NR6A1: variants seen among roughly 807,000 people sequenced by gnomAD.
NR6A1 encodes the protein nuclear receptor subfamily 6 group A member 1.
A neutral mutation model predicts 59.1 loss-of-function variants in NR6A1; 7 were observed. The observed-to-expected ratio is 0.12, with a 90% CI of 0.07 to 0.22. The LOEUF (loss-of-function observed/expected upper bound fraction) is 0.22, where lower values mean the gene tolerates loss of function less well. Among genes scored for constraint, NR6A1 ranks in the 10% least tolerant of loss-of-function variants. The probability of loss-of-function intolerance (pLI) is 1.00; values close to 1 mark genes in which losing one functional copy is unlikely to be tolerated. For synonymous variants in NR6A1, 243 were observed against 236.1 expected, an observed-to-expected ratio of 1.03 and a Z score of -0.27; for missense variants, 468 against 611.6, an observed-to-expected ratio of 0.77 and a Z score of 2.48.
chr9:124,681,291 T>A (rs918303070), intron 2 of NR6A1, among the ~76,000 whole-genome samples: 9 of 151,566 alleles, frequency 5.9e-5, no homozygotes, highest in Non-Finnish European at 1.2e-4. Flanking sequence ...GTATGTCACT[T>A]CAAGGAAAAC....
chr9:124,662,732 G>T (rs1036104584), intron 2 of NR6A1, among the ~76,000 whole-genome samples: 4 of 152,206 alleles, frequency 2.6e-5, no homozygotes, highest in Non-Finnish European at 5.9e-5. Context: ...ACCAGCCGAT[G>T]TGTGACCATG....
chr9:124,724,480 C>G (rs1418628147), intron 2 of NR6A1, among the ~76,000 whole-genome samples: 2 of 149,038 alleles, frequency 1.3e-5, no homozygotes, highest in Non-Finnish European at 3.0e-5. Flanking sequence ...TAACTTCAAG[C>G]AGGTACTTTC....
intron 3 of NR6A1, 53 bp from the exon 4 acceptor site, chr9:124,543,910 C>T (rs1205507645): frequency 1.2e-5 from 18 of 1,507,778 alleles, no homozygotes; most frequent in Non-Finnish European, 1.5e-5. Flanking sequence ...TCATATAAGT[C>T]TTAGCACAAA....
intron 2 of NR6A1, among the ~76,000 whole-genome samples, chr9:124,604,821 A>C (rs1278032088): frequency 1.3e-5 from 2 of 152,150 alleles, no homozygotes; most frequent in Non-Finnish European, 2.9e-5. Flanking sequence ...CTCAAAAAAA[A>C]AATAATTTTT....
intron 2 of NR6A1, among the ~76,000 whole-genome samples, chr9:124,598,145 G>A (rs941848214): frequency 4.6e-5 from 7 of 152,036 alleles, no homozygotes; most frequent in Non-Finnish European, 8.8e-5. Flanking sequence ...AACCACACCC[G>A]GCCTAAACAC....
chr9:124,557,190 G>C (rs924768671), intron 2 of NR6A1, among the ~76,000 whole-genome samples: 2 of 151,986 alleles, frequency 1.3e-5, no homozygotes, highest in African/African-American at 4.8e-5. Flanking sequence ...GTGCAGTAGC[G>C]CGATCTTGGC....
At chr9:124,635,050 T>G (rs1564211230) in intron 2 of NR6A1, among the ~76,000 whole-genome samples, 1 of 152,182 alleles carries the variant, frequency 6.6e-6, no homozygotes, top group Non-Finnish European at 1.5e-5. Flanking sequence ...TTGGGTGTTG[T>G]ATATTAAATG....
chr9:124,705,432 T>C (rs1188150865), intron 2 of NR6A1, among the ~76,000 whole-genome samples: 1 of 152,236 alleles, frequency 6.6e-6, no homozygotes, highest in African/African-American at 2.4e-5. Flanking sequence ...CCTTTTGTCA[T>C]TACAGTATGT....
At chr9:124,651,374 C>A (rs1451766577) in intron 2 of NR6A1, among the ~76,000 whole-genome samples, 2 of 152,156 alleles carry the variant, frequency 1.3e-5, no homozygotes, top group Non-Finnish European at 2.9e-5. Flanking sequence ...CTCTGTCTTA[C>A]TAATCTTTTA....
intron 2 of NR6A1, among the ~76,000 whole-genome samples, chr9:124,612,967 A>T (rs924598248): frequency 2.6e-5 from 4 of 152,192 alleles, no homozygotes; most frequent in Non-Finnish European, 5.9e-5. Context: ...TAATTCTAGG[A>T]ATGTACCTTA....
chr9:124,598,857 T>C, intron 2 of NR6A1: 1 of 726,428 alleles, frequency 1.4e-6, no homozygotes, highest in Non-Finnish European at 2.5e-6. Context: ...TCTTCAAACT[T>C]TGTTTTGAAT....
chr9:124,679,599 T>C (rs1329059176), intron 2 of NR6A1, among the ~76,000 whole-genome samples: 1 of 151,568 alleles, frequency 6.6e-6, no homozygotes, highest in East Asian at 1.9e-4. Context: ...ATCTTAAGAG[T>C]TTGAAAAAAG....
chr9:124,746,158 T>C (rs1056506125), intron 1 of NR6A1, among the ~76,000 whole-genome samples: 1 of 152,188 alleles, frequency 6.6e-6, no homozygotes, highest in Non-Finnish European at 1.5e-5. Context: ...TACATACTAG[T>C]CATGAATGCT....
At chr9:124,583,279 C>T (rs1834826223) in intron 2 of NR6A1, among the ~76,000 whole-genome samples, 1 of 152,128 alleles carries the variant, frequency 6.6e-6, no homozygotes, top group African/African-American at 2.4e-5. Flanking sequence ...CTGTTGGGAA[C>T]ACTCCCCTAG....
intron 2 of NR6A1, among the ~76,000 whole-genome samples, chr9:124,609,010 T>C (rs1835659783): frequency 6.6e-6 from 1 of 152,244 alleles, no homozygotes; most frequent in Non-Finnish European, 1.5e-5. Context: ...TTAAATTTGA[T>C]TAAGTTCCTT....
intron 2 of NR6A1, among the ~76,000 whole-genome samples, chr9:124,732,245 G>C (rs1306543255): frequency 1.3e-5 from 2 of 152,214 alleles, no homozygotes; most frequent in Non-Finnish European, 2.9e-5. Context: ...TGGTGGCAAA[G>C]AGCCAGCCGT....
Position 124,522,064 on chromosome 9 carries a change from GC to G in NR6A1, c.*640del, listed in dbSNP as rs558129771. Reference sequence around the variant, plus strand: ...CACCTGCCTTAAATATGGTCACTGTGCCCTACTCTCTTAATTTTCACGCTTT... The same window carrying G: ...CACCTGCCTTAAATATGGTCACTGTGCCTACTCTCTTAATTTTCACGCTTT... On this transcript the variant is annotated 3_prime_UTR_variant, in exon 10 of 10. Transcript: ENST00000487099. 1 of 152,290 alleles carries G rather than the reference GC, an allele frequency of 6.6e-6. No individual in the cohort carries two copies. The highest frequency in any genetic ancestry group is 6.5e-5 in the Admixed American group (1 of 15,300). 9.4% of individuals were successfully genotyped at this position (152,290 alleles called of 1,614,324 possible).
At chr9:124,629,210 C>T (rs76566002) in intron 2 of NR6A1, among the ~76,000 whole-genome samples, 1,732 of 152,286 alleles carry the variant, frequency 0.011, 20 homozygotes, top group African/African-American at 0.039. Context: ...GGGCAGGAAC[C>T]TACAGAACGA....
chr9:124,543,524 A>G (rs1419119902), intron 4 of NR6A1, among the ~76,000 whole-genome samples: 2 of 152,230 alleles, frequency 1.3e-5, no homozygotes, highest in African/African-American at 4.8e-5. Context: ...GGACTGATCA[A>G]AAAGTCCTCT....
Sources: gnomAD v4.1 joint callset for allele counts (sites outside exome capture counted in the v4.1 genomes callset) on GRCh38, gnomAD v4.1.1 for gene constraint, MANE v1.5 for transcripts, NCBI Gene and HGNC (gene_info 2026-07-23, HGNC 2026-07-21) for gene names.